The following TP53BP2 variants were observed in gnomAD, a reference collection of about 807,000 sequenced individuals.
The protein encoded by TP53BP2 is apoptosis-stimulating of p53 protein 2.
Under a neutral mutation model 126.2 loss-of-function variants are expected in TP53BP2, and 62 were observed. The ratio of observed to expected loss-of-function variants is 0.49; its 90% confidence interval spans 0.40 to 0.61. The LOEUF (loss-of-function observed/expected upper bound fraction) is 0.61, where lower values mean the gene tolerates loss of function less well. Ranked by LOEUF, TP53BP2 falls within the 20% of genes least tolerant of loss-of-function variation. The pLI is 0.00. For missense variants in TP53BP2, 1,215 were observed against 1,402.8 expected, an observed-to-expected ratio of 0.87 and a Z score of 2.14; for synonymous variants, 485 against 502.9, an observed-to-expected ratio of 0.96 and a Z score of 0.48.
rs535827937 is a variant in TP53BP2 at position 223,831,721 on chromosome 1, T to C, written c.28-10354A>G. Among the ~76,000 whole-genome samples the C allele has an allele frequency of 4.7e-5, 7 of 149,022 alleles. No individual in the cohort carries two copies. The East Asian group carries it at 9.9e-4, about 21-fold the overall frequency. ...GATTACAACTTGTTTCTACCTCCTA[T>C]AGTCATCTATCTCAAGAGAAGGAAA... On this transcript the variant is annotated intron_variant, in intron 1 of 17. Coordinates refer to ENST00000343537, the MANE Select transcript of TP53BP2 (RefSeq NM_001031685.3).
intron 17 of TP53BP2, among the ~76,000 whole-genome samples, chr1:223,783,157 C>T (rs1338874633): frequency 1.3e-5 from 2 of 152,230 alleles, no homozygotes; most frequent in Admixed American, 1.3e-4. Flanking sequence ...CCATCCGACA[C>T]TTGATGAAAA....
chr1:223,842,425 C>T (rs148102278), intron 1 of TP53BP2, among the ~76,000 whole-genome samples: 1 of 152,164 alleles, frequency 6.6e-6, no homozygotes, highest in Non-Finnish European at 1.5e-5. Flanking sequence ...GACTGCCATG[C>T]TGGACAGCAA....
chr1:223,788,933 T>A (rs1391504133), intron 16 of TP53BP2, 75 bp downstream of exon 16: 3 of 1,488,348 alleles, frequency 2.0e-6, no homozygotes, highest in Non-Finnish European at 2.7e-6. Flanking sequence ...ACAAAAATAC[T>A]TATTGAATTA....
intron 3 of TP53BP2, among the ~76,000 whole-genome samples, chr1:223,812,404 C>T (rs962751004): frequency 1.3e-5 from 2 of 152,174 alleles, no homozygotes; most frequent in East Asian, 1.9e-4. Flanking sequence ...TTTTTGGAGA[C>T]GGAGTCTCGC....
intron 5 of TP53BP2, among the ~76,000 whole-genome samples, chr1:223,805,013 C>T (rs1489271539): frequency 1.3e-5 from 2 of 152,180 alleles, no homozygotes; most frequent in African/African-American, 4.8e-5. Context: ...TTTCTTTCCC[C>T]TGCCCCAAGG....
chr1:223,808,219 A>C (rs756366672), intron 4 of TP53BP2, among the ~76,000 whole-genome samples: 4 of 152,244 alleles, frequency 2.6e-5, no homozygotes, highest in Admixed American at 6.5e-5. Flanking sequence ...TTAGATATTC[A>C]TATTACAAAG....
At position 223,793,369 on chromosome 1, in the gene TP53BP2, G is replaced by A; in HGVS notation, c.2796C>T (p.Pro932=). The change falls in exon 14 of 18, where the codon CCC becomes CCT. Residue 932 remains proline, a synonymous_variant. Coordinates refer to ENST00000343537, the MANE Select transcript of TP53BP2 (RefSeq NM_001031685.3). ...IAHGMRVKFN[P]LALLLDSSLE... ...AAGACGAATCTAGCAGTAAAGCAAG[G>A]GGGTTGAATTTCACCCTCATTCCAT... The A allele has an allele frequency of 3.1e-6, 5 of 1,611,738 alleles. No homozygotes were observed. The highest frequency in any genetic ancestry group is 4.2e-6 in the Non-Finnish European group (5 of 1,178,966).
chr1:223,801,871 A>ACCT (rs1662537151), intron 9 of TP53BP2: 1 of 307,092 alleles, frequency 3.3e-6, no homozygotes, highest in Admixed American at 4.6e-5. Context: ...AGGTTTATAA[A>ACCT]GATATTATAT....
intron 2 of TP53BP2, 116 bp downstream of exon 2, chr1:223,821,104 T>C: frequency 7.6e-7 from 1 of 1,313,666 alleles, no homozygotes; most frequent in Admixed American, 2.1e-5. Flanking sequence ...CTGCCGGACG[T>C]GCTATTCTCC....
At chr1:223,821,915 A>G (rs1316485222) in intron 1 of TP53BP2, among the ~76,000 whole-genome samples, 2 of 150,986 alleles carry the variant, frequency 1.3e-5, no homozygotes, top group Non-Finnish European at 2.9e-5. Context: ...TTTTGGAGAC[A>G]GAGTCTCACT....
At chr1:223,836,860 G>C (rs1663939658) in intron 1 of TP53BP2, among the ~76,000 whole-genome samples, 1 of 151,994 alleles carries the variant, frequency 6.6e-6, no homozygotes, top group African/African-American at 2.4e-5. Flanking sequence ...CAGGTCCGTG[G>C]CTACTAAAAG....
At chr1:223,835,096 G>A (rs1025600940) in intron 1 of TP53BP2, among the ~76,000 whole-genome samples, 9 of 152,178 alleles carry the variant, frequency 5.9e-5, no homozygotes, top group East Asian at 1.9e-4. Flanking sequence ...AAAGTTCCAC[G>A]AAGAGGAGAA....
In TP53BP2 at chr1:223,796,026, T is replaced by C. The variant is rs200276285; in HGVS notation, c.2513A>G (p.Tyr838Cys). 9.9e-6 allele frequency: 16 copies of C among 1,614,074 alleles called. No homozygotes were observed. Among genetic ancestry groups the C allele is most frequent in the Non-Finnish European group, 1.4e-5 (16 of 1,179,946 alleles). Residue 838 changes from tyrosine to cysteine, a missense_variant, in exon 13 of 18, where the codon TAT becomes TGT. Tyr to Cys is a radical substitution (Grantham distance 194). Coordinates refer to ENST00000343537, the MANE Select transcript of TP53BP2 (RefSeq NM_001031685.3). The surrounding 1 kb of genome is among the most constrained non-coding windows in gnomAD (Gnocchi z 4.2). ...GTTGTCTGGGACTCCCTCAGGCTCATAATCAAGGCCTGGAGAAGGAGCTGG... is the reference window on the plus strand; with the variant it reads ...GTTGTCTGGGACTCCCTCAGGCTCACAATCAAGGCCTGGAGAAGGAGCTGG... ...DMPAPSPGLD[Y>C]EPEGVPDNSP...
chr1:223,799,499 G>C (rs754450800), intron 11 of TP53BP2, among the ~76,000 whole-genome samples: 1 of 152,134 alleles, frequency 6.6e-6, no homozygotes, highest in Non-Finnish European at 1.5e-5. Flanking sequence ...CTAGACAACT[G>C]TAATAAAACA....
chr1:223,839,896 C>T (rs60799191), intron 1 of TP53BP2, among the ~76,000 whole-genome samples: 4,910 of 152,140 alleles, frequency 0.032, 253 homozygotes, highest in African/African-American at 0.11. Context: ...GATGGCGCCA[C>T]GCCACTGCAC....
intron 8 of TP53BP2, 147 bp downstream of exon 8, chr1:223,802,584 G>A (rs1191083925): frequency 1.0e-5 from 11 of 1,049,510 alleles, no homozygotes; most frequent in South Asian, 6.3e-5. Context: ...AAAAAGCAGC[G>A]GATTGTCTTT....
intron 11 of TP53BP2, among the ~76,000 whole-genome samples, chr1:223,798,970 G>C (rs1662436658): frequency 6.6e-6 from 1 of 152,154 alleles, no homozygotes; most frequent in Non-Finnish European, 1.5e-5. Context: ...TACTCAGGAG[G>C]CTGAGGCAGA....
chr1:223,802,495 C>G, intron 8 of TP53BP2, 151 bp from the exon 9 acceptor site: 1 of 857,550 alleles, frequency 1.2e-6, no homozygotes, highest in Non-Finnish European at 1.8e-6. Context: ...AATAAACACT[C>G]CCCAATGAAC....
At chr1:223,845,166 A>AGG in intron 1 of TP53BP2, 1 of 803,006 alleles carries the variant, frequency 1.2e-6, no homozygotes, top group Non-Finnish European at 1.5e-6. Context: ...TTCCACAAAG[A>AGG]GGTAAGGGTG....
Sources: gnomAD v4.1 joint callset for allele counts (sites outside exome capture counted in the v4.1 genomes callset) on GRCh38, gnomAD v4.1.1 for gene constraint, Gnocchi (gnomAD v3.1) non-coding constraint, MANE v1.5 for transcripts, NCBI Gene and HGNC (gene_info 2026-07-23, HGNC 2026-07-21) for gene names.